MAST2: variants seen among roughly 807,000 people sequenced by gnomAD.
The protein encoded by MAST2 is microtubule-associated serine/threonine-protein kinase 2.
MAST2 carries 70 observed loss-of-function variants against 147.4 expected under a neutral mutation model. The observed-to-expected ratio is 0.47, with a 90% CI of 0.39 to 0.58. The LOEUF (loss-of-function observed/expected upper bound fraction) is 0.58. Ranked by LOEUF, MAST2 falls within the 20% of genes least tolerant of loss-of-function variation. The pLI is 0.00. For synonymous variants in MAST2, 869 were observed against 896.8 expected (o/e 0.97, Z 0.55); for missense variants, 2,080 against 2,302.3 (o/e 0.90, Z 1.98).
chr1:46,029,209 AG>A, intron 18 of MAST2: 1 of 546,336 alleles, frequency 1.8e-6, no homozygotes, highest in Non-Finnish European at 3.2e-6. Flanking sequence ...CATAAGTGTG[AG>A]GGGTACGTCT....
rs891468785 is a variant in MAST2 at position 45,927,584 on chromosome 1, A to G, written c.501-31802A>G. On this transcript the variant is annotated intron_variant, in intron 4 of 28. Coordinates refer to ENST00000361297, the MANE Select transcript of MAST2 (RefSeq NM_015112.3). ...TTCTGCCTGACTCACCGGCGGTCAG[A>G]GTTTAAGGTTCTCTCTCTTATTCCC... 7.9e-5 allele frequency among the ~76,000 whole-genome samples: 12 copies of G among 152,290 alleles called. No individual in the cohort carries two copies. In the East Asian group the frequency reaches 2.1e-3, roughly 27 times the overall value.
chr1:45,997,910 C>T, intron 6 of MAST2, 111 bp downstream of exon 6: 1 of 869,620 alleles, frequency 1.1e-6, no homozygotes, highest in Non-Finnish European at 1.9e-6. Flanking sequence ...AGTGTATTAC[C>T]TGAAGCTCCC....
chr1:45,815,290 C>T (rs141177631), intron 1 of MAST2, among the ~76,000 whole-genome samples: 2 of 151,982 alleles, frequency 1.3e-5, no homozygotes, highest in African/African-American at 4.8e-5. Flanking sequence ...CTGTCTCAGC[C>T]TCCTGAGTAG....
intron 9 of MAST2, among the ~76,000 whole-genome samples, chr1:46,009,440 G>A (rs1014163000): frequency 2.0e-5 from 3 of 152,216 alleles, no homozygotes; most frequent in Admixed American, 6.5e-5. Flanking sequence ...CTGACTGAGA[G>A]GGGATACTGG....
At chr1:46,021,786 C>G (rs1164336897) in intron 11 of MAST2, among the ~76,000 whole-genome samples, 164 bp from the exon 12 acceptor site, 2 of 152,250 alleles carry the variant, frequency 1.3e-5, no homozygotes, top group African/African-American at 4.8e-5. Context: ...TGTCCCCATT[C>G]CTGTGATCCC....
At chr1:45,865,806 TA>T (rs1341013803) in intron 3 of MAST2, among the ~76,000 whole-genome samples, 2 of 152,212 alleles carry the variant, frequency 1.3e-5, no homozygotes, top group African/African-American at 2.4e-5. Context: ...ATTTGATGAT[TA>T]TTTTTTTCAT....
intron 7 of MAST2, among the ~76,000 whole-genome samples, chr1:46,004,963 A>C (rs1645424965): frequency 6.6e-6 from 1 of 152,150 alleles, no homozygotes; most frequent in South Asian, 2.1e-4. Context: ...GCTGCTTGGG[A>C]GGCTGAGGCA....
chr1:45,882,799 A>C (rs1053923596), intron 4 of MAST2, among the ~76,000 whole-genome samples: 1 of 152,202 alleles, frequency 6.6e-6, no homozygotes, highest in African/African-American at 2.4e-5. Flanking sequence ...AACTTTTCTG[A>C]TAAGTTGAGG....
chr1:45,997,652 C>A (rs1645109433), intron 5 of MAST2, 72 bp from the exon 6 acceptor site: 2 of 1,087,178 alleles, frequency 1.8e-6, no homozygotes, highest in Non-Finnish European at 2.9e-6. Flanking sequence ...GGGAATATTT[C>A]TTGCCCGAAA....
chr1:45,948,292 G>T (rs982931795), intron 4 of MAST2, among the ~76,000 whole-genome samples: 3 of 152,186 alleles, frequency 2.0e-5, no homozygotes, highest in African/African-American at 7.2e-5. Context: ...CATGCTCATG[G>T]ATAGGAAGAA....
rs59051138 is a variant in MAST2 at position 45,900,173 on chromosome 1, CAAA to C, written c.500+17798_500+17800del. Among the ~76,000 whole-genome samples the C allele has an allele frequency of 1.3e-4, 7 of 54,100 alleles. 1 individual carries two copies. The highest frequency in any genetic ancestry group is 3.5e-4 in the African/African-American group (4 of 11,364). The allele number at this position is 54,100 out of a possible 152,430, so 35.5% of individuals were successfully genotyped here. A position where few individuals can be genotyped will look rare whatever the true frequency, so the allele number is the denominator to read the frequency against. On this transcript the variant is annotated intron_variant, in intron 4 of 28. Transcript: ENST00000361297. The stretch of plus-strand genomic sequence containing the variant: ...CGACAGAGCGAGACTCTCTCTCTCT[CAAA>C]AAAAAAAAAAAAAAAAAAAGATTTA...
chr1:45,847,801 G>A (rs1288231527), intron 3 of MAST2, among the ~76,000 whole-genome samples: 1 of 151,864 alleles, frequency 6.6e-6, no homozygotes, highest in African/African-American at 2.4e-5. Context: ...CCATCTCCCC[G>A]CCTCAGCTTC....
chr1:45,958,538 A>ATCCCCCTC (rs1003253301), intron 4 of MAST2, among the ~76,000 whole-genome samples: 4 of 105,238 alleles, frequency 3.8e-5, no homozygotes, highest in African/African-American at 1.1e-4. Flanking sequence ...CTCTCCCTCT[A>ATCCCCCTC]TCCCCCTCTC....
chr1:45,915,526 C>T (rs1311354691), intron 4 of MAST2, among the ~76,000 whole-genome samples: 1 of 151,996 alleles, frequency 6.6e-6, no homozygotes, highest in Non-Finnish European at 1.5e-5. Flanking sequence ...CTGGCTAACA[C>T]GGTGAAACTC....
intron 3 of MAST2, among the ~76,000 whole-genome samples, chr1:45,871,333 A>C (rs1406477819): frequency 6.6e-6 from 1 of 151,964 alleles, no homozygotes; most frequent in Non-Finnish European, 1.5e-5. Flanking sequence ...TGAACACTAC[A>C]AGCACTCCAT....
At chr1:45,966,071 T>C (rs1384154521) in intron 5 of MAST2, among the ~76,000 whole-genome samples, 1 of 152,244 alleles carries the variant, frequency 6.6e-6, no homozygotes, top group African/African-American at 2.4e-5. Flanking sequence ...CTTTTGACTG[T>C]CTCCACAGTT....
chr1:45,917,337 A>G, intron 4 of MAST2: 1 of 1,364,168 alleles, frequency 7.3e-7, no homozygotes, highest in Non-Finnish European at 9.8e-7. Flanking sequence ...GTACCTTGTC[A>G]GAATCTCTAC....
intron 7 of MAST2, among the ~76,000 whole-genome samples, chr1:46,003,659 G>T (rs1036718729): frequency 6.6e-6 from 1 of 152,038 alleles, no homozygotes; most frequent in Non-Finnish European, 1.5e-5. Flanking sequence ...TAGAGAGGGG[G>T]TTTCATCATG....
chr1:45,988,571 G>A (rs1360224641), intron 5 of MAST2, among the ~76,000 whole-genome samples: 4 of 152,140 alleles, frequency 2.6e-5, no homozygotes, highest in African/African-American at 7.2e-5. Context: ...GTACTGTTTG[G>A]TAGTGGTCTG....
Sources: gnomAD v4.1 joint callset for allele counts (sites outside exome capture counted in the v4.1 genomes callset) on GRCh38, gnomAD v4.1.1 for gene constraint, MANE v1.5 for transcripts, NCBI Gene and HGNC (gene_info 2026-07-23, HGNC 2026-07-21) for gene names.